The following PRKDC variants were observed in gnomAD, a reference collection of about 807,000 sequenced individuals.
PRKDC encodes the protein protein kinase, DNA-activated, catalytic subunit.
A neutral mutation model predicts 486.9 loss-of-function variants in PRKDC; 82 were observed. That is an observed-to-expected ratio of 0.17 (90% confidence interval 0.14 to 0.20). PRKDC has a LOEUF of 0.20. Among genes scored for constraint, PRKDC ranks in the 10% least tolerant of loss-of-function variants. The pLI, the probability that PRKDC is intolerant of heterozygous loss-of-function variation, is 1.00. For missense variants in PRKDC, 4,504 were observed against 5,038.2 expected, an observed-to-expected ratio of 0.89 and a Z score of 3.21; for synonymous variants, 1,895 against 1,837.0, an observed-to-expected ratio of 1.03 and a Z score of -0.81.
chr8:47,922,177 G>A (rs1043802487), intron 21 of PRKDC, among the ~76,000 whole-genome samples: 7 of 151,938 alleles, frequency 4.6e-5, no homozygotes, highest in South Asian at 2.1e-4. Flanking sequence ...CTGTCACCCA[G>A]GCTATGGTGC....
At chr8:47,850,267 C>T (rs1482235990) in intron 52 of PRKDC, among the ~76,000 whole-genome samples, 1 of 152,218 alleles carries the variant, frequency 6.6e-6, no homozygotes, top group Non-Finnish European at 1.5e-5. Flanking sequence ...GTTTCAAAGG[C>T]ACACAGACCG....
chr8:47,924,370 T>C (rs929799596), intron 21 of PRKDC, among the ~76,000 whole-genome samples: 1 of 151,768 alleles, frequency 6.6e-6, no homozygotes, highest in Non-Finnish European at 1.5e-5. Flanking sequence ...ACCAGTCTGG[T>C]CAACATAGTG....
chr8:47,889,428 GCA>G (rs1350867907), intron 32 of PRKDC, among the ~76,000 whole-genome samples: 31 of 152,248 alleles, frequency 2.0e-4, no homozygotes, highest in Non-Finnish European at 4.3e-4. Context: ...TAAGAAAGCA[GCA>G]CAGACAACAG....
chr8:47,850,780 C>T (rs776478204), intron 52 of PRKDC, among the ~76,000 whole-genome samples: 4 of 152,242 alleles, frequency 2.6e-5, no homozygotes, highest in East Asian at 1.9e-4. Flanking sequence ...AGGGACATTG[C>T]GTGGGAAGAG....
In PRKDC at chr8:47,828,635, C is replaced by T. The variant is rs2087792994; in HGVS notation, c.8398-288G>A. On this transcript the variant is annotated intron_variant, in intron 61 of 85. Transcript: ENST00000314191. ...ACATAGCTTCTCTCCTGAGTTAAGTCTGGGTCTCCAATCTTTAAATGGGGG... is the reference window on the plus strand; with the variant it reads ...ACATAGCTTCTCTCCTGAGTTAAGTTTGGGTCTCCAATCTTTAAATGGGGG... 3.3e-5 allele frequency among the ~76,000 whole-genome samples: 5 copies of T among 152,188 alleles called. No individual in the cohort carries two copies. The South Asian group carries it at 8.3e-4, about 25-fold the overall frequency.
At chr8:47,924,986 C>G (rs1298019774) in intron 21 of PRKDC, among the ~76,000 whole-genome samples, 1 of 152,204 alleles carries the variant, frequency 6.6e-6, no homozygotes, top group Non-Finnish European at 1.5e-5. Flanking sequence ...CCTTCTCACC[C>G]TGCCTGCACC....
chr8:47,799,867 T>C (rs2087061778), intron 71 of PRKDC, among the ~76,000 whole-genome samples: 1 of 152,134 alleles, frequency 6.6e-6, no homozygotes, highest in Admixed American at 6.5e-5. Flanking sequence ...AGGCACTAAA[T>C]AAAAATGCAG....
Position 47,864,617 on chromosome 8 carries a change from C to G in PRKDC, c.5510G>C (p.Arg1837Thr). 6.2e-7 allele frequency: 1 copy of G among 1,609,988 alleles called. No homozygotes were observed. Among genetic ancestry groups the G allele is most frequent in the East Asian group, 2.2e-5 (1 of 44,796 alleles). Residue 1837 changes from arginine to threonine, a missense_variant, in exon 41 of 86, where the codon AGA becomes ACA. Coordinates refer to ENST00000314191, the MANE Select transcript of PRKDC (RefSeq NM_006904.7). Reference sequence around the variant, plus strand: ...CACCACAATTGTGCTGAAGAATTCTCTCAAAGCATCCAGGCTACAGTGCCA... The same window carrying G: ...CACCACAATTGTGCTGAAGAATTCTGTCAAAGCATCCAGGCTACAGTGCCA... ...LLWHCSLDAL[R>T]EFFSTIVVDA...
chr8:47,777,591 A>G, intron 84 of PRKDC, 95 bp downstream of exon 84: 6 of 1,209,294 alleles, frequency 5.0e-6, no homozygotes, highest in East Asian at 2.4e-5. Context: ...TTTCATCAAC[A>G]TGACTCAATG....
At position 47,915,354 on chromosome 8, in the gene PRKDC, C is replaced by A; in HGVS notation, c.2591G>T (p.Gly864Val). 6.4e-7 allele frequency: 1 copy of A among 1,561,136 alleles called. No individual in the cohort carries two copies. The highest frequency in any genetic ancestry group is 1.2e-5 in the South Asian group (1 of 83,462). The change falls in exon 23 of 86, where the codon GGA (glycine) becomes GTA (valine). Residue 864 changes from glycine to valine, a missense_variant. Physicochemically the swap from Gly to Val is moderately radical, Grantham distance 109. Coordinates refer to ENST00000314191, the MANE Select transcript of PRKDC (RefSeq NM_006904.7). ...TGTCAGAAGATTTTTGTTTATTTGT[C>A]CTCCTAGAGATCCAAGCATTTGTAC... ...RVVQMLGSLGGQINKNLLTVT... is the reference protein window; with the variant it reads ...RVVQMLGSLGVQINKNLLTVT...
At position 47,882,612 on chromosome 8, in the gene PRKDC, A is replaced by G. The variant is rs184214806; in HGVS notation, c.4777-515T>C. 9.2e-5 allele frequency among the ~76,000 whole-genome samples: 14 copies of G among 152,302 alleles called. No homozygotes were observed. The East Asian group carries it at 2.7e-3, about 29-fold the overall frequency. ...CACACACAGGTGTACACACACAAGC[A>G]AACATGCACACACGCAAACGCACAC... On this transcript the variant is annotated intron_variant, in intron 36 of 85. Transcript: ENST00000314191.
At chr8:47,905,950 C>G (rs1313938929) in intron 25 of PRKDC, among the ~76,000 whole-genome samples, 15 of 152,110 alleles carry the variant, frequency 9.9e-5, no homozygotes, top group Admixed American at 9.8e-4. Context: ...AACCTAGTGG[C>G]CTGGTGGAGG....
chr8:47,885,491 T>G (rs1179466678), intron 36 of PRKDC, among the ~76,000 whole-genome samples: 1 of 152,050 alleles, frequency 6.6e-6, no homozygotes, highest in Non-Finnish European at 1.5e-5. Flanking sequence ...ATGTTTTGGG[T>G]TTTTCTGAGT....
intron 1 of PRKDC, 146 bp from the exon 2 acceptor site, chr8:47,957,577 C>A (rs1018824202): frequency 1.3e-5 from 8 of 628,436 alleles, no homozygotes; most frequent in Non-Finnish European, 2.1e-5. Context: ...GCGGCGCGAT[C>A]TCGGCTCACT....
intron 80 of PRKDC, among the ~76,000 whole-genome samples, chr8:47,780,849 A>G (rs1455438402): frequency 6.6e-6 from 1 of 152,142 alleles, no homozygotes; most frequent in African/African-American, 2.4e-5. Flanking sequence ...GAGGCAGGAG[A>G]ATTGCTGGAA....
chr8:47,803,606 G>T, intron 69 of PRKDC, 126 bp from the exon 70 acceptor site: 1 of 807,948 alleles, frequency 1.2e-6, no homozygotes, highest in Non-Finnish European at 2.1e-6. Flanking sequence ...CATTTCTTTA[G>T]CTTCAATTAT....
chr8:47,949,510 A>G (rs955542510), intron 7 of PRKDC, among the ~76,000 whole-genome samples: 8 of 152,232 alleles, frequency 5.3e-5, no homozygotes, highest in African/African-American at 1.9e-4. Context: ...TCCTTCCACT[A>G]TATATGTTCA....
chr8:47,819,594 T>C, intron 66 of PRKDC, 84 bp from the exon 67 acceptor site: 2 of 613,122 alleles, frequency 3.3e-6, no homozygotes, highest in Non-Finnish European at 5.3e-6. Context: ...TTTTTAACAG[T>C]ACTCTAAATT....
chr8:47,911,741 C>T (rs1050172873), intron 25 of PRKDC, among the ~76,000 whole-genome samples: 1 of 151,992 alleles, frequency 6.6e-6, no homozygotes, highest in East Asian at 1.9e-4. Context: ...GTATAGGCCA[C>T]TTGCCAGCCA....
Sources: allele counts gnomAD v4.1 joint callset (sites outside exome capture counted in the v4.1 genomes callset), GRCh38; gene constraint gnomAD v4.1.1; transcripts MANE v1.5; gene names NCBI Gene and HGNC (gene_info 2026-07-23, HGNC 2026-07-21).